MAN1A1: variants seen among roughly 807,000 people sequenced by gnomAD.
The protein encoded by MAN1A1 is mannosyl-oligosaccharide 1,2-alpha-mannosidase IA.
MAN1A1 carries 29 observed loss-of-function variants against 70.8 expected under a neutral mutation model. That is an observed-to-expected ratio of 0.41 (90% CI 0.31 to 0.56). The LOEUF (loss-of-function observed/expected upper bound fraction) is 0.56. Ranked by LOEUF, MAN1A1 falls within the 20% of genes least tolerant of loss-of-function variation. The pLI, the probability that MAN1A1 is intolerant of heterozygous loss-of-function variation, is 0.29. For missense variants in MAN1A1, 747 were observed against 841.3 expected (o/e 0.89, Z 1.39); for synonymous variants, 349 against 330.1 (o/e 1.06, Z -0.62).
rs1387616354 is a variant in MAN1A1 at position 119,290,608 on chromosome 6, C to T, written c.897+75G>A. On this transcript the variant is annotated intron_variant, in intron 5 of 12. Coordinates refer to ENST00000368468, the MANE Select transcript of MAN1A1 (RefSeq NM_005907.4). Reference sequence around the variant, plus strand: ...ATAGATTCCTTCTAAATATATGTCACGAATGGCATATTTTACCAAAAATGT... The same window carrying T: ...ATAGATTCCTTCTAAATATATGTCATGAATGGCATATTTTACCAAAAATGT... 1.6e-5 allele frequency: 15 copies of T among 965,080 alleles called. No individual in the cohort carries two copies. In the East Asian group the frequency reaches 1.7e-4, roughly 11 times the overall value. The allele number at this position is 965,080 out of a possible 1,614,324, so 59.8% of individuals were successfully genotyped here.
chr6:119,290,695 C>T lies in MAN1A1; in HGVS notation c.885G>A (p.Leu295=), dbSNP rs1222477808. ...CTTTTCATCTTACCTCTTCTCCAGACAGATAGTAGGCTGAGAGTAGTCCAC... is the reference window on the plus strand; with the variant it reads ...CTTTTCATCTTACCTCTTCTCCAGATAGATAGTAGGCTGAGAGTAGTCCAC... ...FVGGLLSAYY[L]SGEEIFRKKA... is the part of the protein sequence containing the mutation. The change falls in exon 5 of 13, where the codon CTG becomes CTA. Residue 295 remains leucine, a synonymous_variant. Transcript: ENST00000368468. The T allele has an allele frequency of 1.2e-6, 2 of 1,609,402 alleles. No individual in the cohort carries two copies. Among genetic ancestry groups the T allele is most frequent in the Non-Finnish European group, 1.7e-6 (2 of 1,177,222 alleles).
Position 119,180,414 on chromosome 6 carries a change from T to C in MAN1A1, c.1733A>G (p.His578Arg). 6.2e-7 allele frequency: 1 copy of C among 1,605,444 alleles called. No individual in the cohort carries two copies. The highest frequency in any genetic ancestry group is 8.5e-7 in the Non-Finnish European group (1 of 1,174,400). The part of the protein sequence containing the change: ...AWEAVEALEN[H>R]CRVNGGYSGL... Reference sequence around the variant, plus strand: ...TGAATAGCCTCCATTCACTCTGCAATGGTTTTCCAAGGCCTAAATTATAGA... The same window carrying C: ...TGAATAGCCTCCATTCACTCTGCAACGGTTTTCCAAGGCCTAAATTATAGA... Residue 578 changes from histidine to arginine, a missense_variant, in exon 12 of 13, where the codon CAT becomes CGT. Physicochemically the swap from His to Arg is conservative, Grantham distance 29. This residue lies in a region of MAN1A1 where 419 missense variants were observed against 548.2 expected (regional missense o/e 0.76). Transcript: ENST00000368468.
chr6:119,350,069 C>T (rs879822827), upstream of MAN1A1, among the ~76,000 whole-genome samples: 1 of 152,222 alleles, frequency 6.6e-6, no homozygotes, highest in Middle Eastern at 3.4e-3. Context: ...GGGAGTTTAT[C>T]CTGCGCTGGC....
intron 6 of MAN1A1, among the ~76,000 whole-genome samples, chr6:119,228,793 A>T (rs1204516424): frequency 2.6e-5 from 4 of 152,172 alleles, no homozygotes; most frequent in African/African-American, 2.4e-5. Context: ...TATACTTTTT[A>T]AAAAATGACA....
Position 119,286,536 on chromosome 6 carries a change from G to A in MAN1A1, c.897+4147C>T, listed in dbSNP as rs555755679. On this transcript the variant is annotated intron_variant, in intron 5 of 12. Coordinates refer to ENST00000368468, the MANE Select transcript of MAN1A1 (RefSeq NM_005907.4). ...TGCAGCAGTGGATAACTTTTAGGGG[G>A]AATCTGAAGAAAAATCCTTTTGCTG... Among the ~76,000 whole-genome samples the A allele has an allele frequency of 2.0e-5, 3 of 152,168 alleles. No homozygotes were observed. The East Asian group carries it at 5.8e-4, about 29-fold the overall frequency.
intron 7 of MAN1A1, among the ~76,000 whole-genome samples, chr6:119,203,025 A>C (rs1028834567): frequency 1.3e-5 from 2 of 152,088 alleles, no homozygotes; most frequent in African/African-American, 4.8e-5. Context: ...TCAGAGCACA[A>C]AGAAGACATC....
chr6:119,252,562 G>A (rs1775348241), intron 5 of MAN1A1, among the ~76,000 whole-genome samples: 1 of 152,140 alleles, frequency 6.6e-6, no homozygotes, highest in South Asian at 2.1e-4. Context: ...GGGAGGTGGA[G>A]GCGGGTGGAT....
rs555658603 is a variant in MAN1A1 at position 119,201,044 on chromosome 6, G to A, written c.1210+210C>T. ...TTAATAGCTGTAAATGTGCTTATAT[G>A]TCATCACACTTGGAGTTATATATGA... is the stretch of plus-strand genomic sequence containing the variant. On this transcript the variant is annotated intron_variant, in intron 8 of 12. Transcript: ENST00000368468. 5.9e-5 allele frequency among the ~76,000 whole-genome samples: 9 copies of A among 152,200 alleles called. No individual in the cohort carries two copies. The South Asian group carries it at 8.3e-4, about 14-fold the overall frequency.
intron 10 of MAN1A1, 56 bp downstream of exon 10, chr6:119,189,608 G>T: frequency 6.5e-7 from 1 of 1,539,474 alleles, no homozygotes; most frequent in Non-Finnish European, 9.0e-7. Context: ...TGACAAAACT[G>T]CATTAAATCA....
At chr6:119,280,060 G>A (rs9489659) in intron 5 of MAN1A1, among the ~76,000 whole-genome samples, 6,295 of 152,242 alleles carry the variant, frequency 0.041, 149 homozygotes, top group African/African-American at 0.054. Context: ...CCCAGACCAC[G>A]ACTTCTGAGT....
At chr6:119,206,010 A>T (rs536052273) in intron 6 of MAN1A1, among the ~76,000 whole-genome samples, 26 of 152,340 alleles carry the variant, frequency 1.7e-4, no homozygotes, top group African/African-American at 5.8e-4. Context: ...TGGGACACAC[A>T]ATCCAGCGTA....
Position 119,302,054 on chromosome 6 carries a change from A to G in MAN1A1, c.750T>C (p.Ile250=). 1 of 1,610,918 alleles carries G rather than the reference A, an allele frequency of 6.2e-7. No individual in the cohort carries two copies. The highest frequency in any genetic ancestry group is 2.2e-5 in the East Asian group (1 of 44,702). The change falls in exon 4 of 13, where the codon ATT becomes ATC. Residue 250 remains isoleucine (I), a synonymous_variant. Coordinates refer to ENST00000368468, the MANE Select transcript of MAN1A1 (RefSeq NM_005907.4). ...TIVDALDTLF[I]MEMKHEFEEA... Reference sequence around the variant, plus strand: ...CTTCAAATTCATGTTTCATTTCCATAATAAAAAGTGTATCCAGGGCATCTA... The same window carrying G: ...CTTCAAATTCATGTTTCATTTCCATGATAAAAAGTGTATCCAGGGCATCTA...
intron 5 of MAN1A1, among the ~76,000 whole-genome samples, chr6:119,280,328 T>C (rs541643836): frequency 6.6e-6 from 1 of 152,344 alleles, no homozygotes; most frequent in Admixed American, 6.5e-5. Context: ...CTTGGGCAAA[T>C]AACACTCTGT....
At chr6:119,324,600 T>C (rs1011943850) in intron 2 of MAN1A1, among the ~76,000 whole-genome samples, 2 of 152,120 alleles carry the variant, frequency 1.3e-5, no homozygotes, top group African/African-American at 2.4e-5. Context: ...CCCTTAATTA[T>C]ATATTCTAGA....
chr6:119,283,950 T>C (rs753088232), intron 5 of MAN1A1, among the ~76,000 whole-genome samples: 7 of 152,126 alleles, frequency 4.6e-5, no homozygotes, highest in Non-Finnish European at 7.4e-5. Context: ...CGAAGGTCAG[T>C]TGGATGAACA....
chr6:119,223,323 AT>A (rs1479689176), intron 6 of MAN1A1, among the ~76,000 whole-genome samples: 2 of 152,126 alleles, frequency 1.3e-5, no homozygotes. Context: ...ATCAGGAATA[AT>A]TTTTTTGCTT....
intron 2 of MAN1A1, among the ~76,000 whole-genome samples, chr6:119,319,303 T>C (rs2114473619): frequency 6.6e-6 from 1 of 151,752 alleles, no homozygotes; most frequent in East Asian, 1.9e-4. Context: ...ACTCTAACCC[T>C]TCTGGTAGGG....
intron 5 of MAN1A1, among the ~76,000 whole-genome samples, chr6:119,253,401 C>T (rs1775377709): frequency 6.6e-6 from 1 of 152,186 alleles, no homozygotes; most frequent in Non-Finnish European, 1.5e-5. Flanking sequence ...CATGACAACG[C>T]CCGACTGCAC....
In MAN1A1 at chr6:119,349,116, C is replaced by T; in HGVS notation, c.-51G>A. 1 of 1,259,604 alleles carries T rather than the reference C, an allele frequency of 7.9e-7. No homozygotes were observed. Among genetic ancestry groups the T allele is most frequent in the South Asian group, 3.1e-5 (1 of 32,208 alleles). The allele number at this position is 1,259,604 out of a possible 1,614,324, so 78.0% of individuals were successfully genotyped here. On this transcript the variant is annotated 5_prime_UTR_variant, in exon 2 of 13. Coordinates refer to ENST00000368468, the MANE Select transcript of MAN1A1 (RefSeq NM_005907.4). ...GCCGCGCCGCTCAGCAGCCAAACTT[C>T]GCCGCCGCTGGGAGTCCGCGGCTGC...
Sources: allele counts gnomAD v4.1 joint callset (sites outside exome capture counted in the v4.1 genomes callset), GRCh38; gene constraint gnomAD v4.1.1; regional missense constraint gnomAD v4.1.1; transcripts MANE v1.5; gene names NCBI Gene and HGNC (gene_info 2026-07-23, HGNC 2026-07-21).